The following WASF3 variants were observed in gnomAD, a reference collection of about 807,000 sequenced individuals.
The protein encoded by WASF3 is actin-binding protein WASF3.
Under a neutral mutation model 46.6 loss-of-function variants are expected in WASF3, and 11 were observed. The ratio of observed to expected loss-of-function variants is 0.24; its 90% confidence interval spans 0.15 to 0.39. The LOEUF (loss-of-function observed/expected upper bound fraction) is 0.39, where lower values mean the gene tolerates loss of function less well. WASF3 is among the 10% of genes least tolerant of loss of function. The probability of loss-of-function intolerance (pLI) is 1.00; values close to 1 mark genes in which losing one functional copy is unlikely to be tolerated. For missense variants in WASF3, 576 were observed against 669.8 expected, an observed-to-expected ratio of 0.86 and a Z score of 1.55; for synonymous variants, 242 against 259.7, an observed-to-expected ratio of 0.93 and a Z score of 0.65.
At chr13:26,665,970 G>C (rs575137273) in intron 4 of WASF3, among the ~76,000 whole-genome samples, 79 of 152,154 alleles carry the variant, frequency 5.2e-4, no homozygotes, top group African/African-American at 1.3e-3. Context: ...CCTAGTGTCT[G>C]ATTTTTGTGC....
chr13:26,554,111 C>CTTTCTTTCTTTCTT (rs1430081863), upstream of WASF3, among the ~76,000 whole-genome samples: 1 of 122,528 alleles, frequency 8.2e-6, no homozygotes, highest in Non-Finnish European at 1.6e-5. Context: ...TTCTTTCTTT[C>CTTTCTTTCTTTCTT]TTTCTTTCTT....
At chr13:26,550,655 T>C in the WASF3 span, among the ~76,000 whole-genome samples, 4 of 152,206 alleles carry the variant, frequency 2.6e-5, no homozygotes, top group East Asian at 1.9e-4. Context: ...CCAAGGTAAG[T>C]GGACAATAAG....
At chr13:26,620,969 A>G (rs937691368) in intron 2 of WASF3, among the ~76,000 whole-genome samples, 1 of 152,176 alleles carries the variant, frequency 6.6e-6, no homozygotes, top group Non-Finnish European at 1.5e-5. Flanking sequence ...GTATAGCAAA[A>G]GCTAAGTGAC....
Position 26,688,448 on chromosome 13 carries a change from T to C in WASF3, c.*2603T>C, listed in dbSNP as rs1484450427. ...AAGCTTTTCTCTCATAGCGTAGACCTAGGGAAGGGATGGGAAGATTGCCCA... is the reference window on the plus strand; with the variant it reads ...AAGCTTTTCTCTCATAGCGTAGACCCAGGGAAGGGATGGGAAGATTGCCCA... On this transcript the variant is annotated 3_prime_UTR_variant, in exon 10 of 10. Transcript: ENST00000335327. The C allele has an allele frequency of 2.0e-5, 3 of 152,232 alleles. No homozygotes were observed. The highest frequency in any genetic ancestry group is 2.9e-5 in the Non-Finnish European group (2 of 68,030). The allele number at this position is 152,232 out of a possible 1,614,324, so 9.4% of individuals were successfully genotyped here.
At chr13:26,568,602 A>G (rs1236314932) in intron 1 of WASF3, among the ~76,000 whole-genome samples, 1 of 152,138 alleles carries the variant, frequency 6.6e-6, no homozygotes, top group Non-Finnish European at 1.5e-5. Flanking sequence ...TCATCCAGAG[A>G]TGAGTGGTTT....
intron 2 of WASF3, among the ~76,000 whole-genome samples, chr13:26,617,853 TG>T (rs1417015186): frequency 1.3e-5 from 2 of 152,034 alleles, no homozygotes; most frequent in African/African-American, 4.8e-5. Flanking sequence ...ATGATGTTCT[TG>T]TGATAGTGAA....
intron 9 of WASF3, among the ~76,000 whole-genome samples, chr13:26,684,231 G>T (rs1331783903): frequency 6.6e-6 from 1 of 151,406 alleles, no homozygotes; most frequent in Non-Finnish European, 1.5e-5. Context: ...ATTAGCTCAT[G>T]AATATCAAGT....
chr13:26,560,231 C>A (rs749663534), intron 1 of WASF3, among the ~76,000 whole-genome samples: 1 of 152,152 alleles, frequency 6.6e-6, no homozygotes, highest in Non-Finnish European at 1.5e-5. Context: ...GACAGCCCCA[C>A]ACATTCTTCT....
At chr13:26,552,730 T>C (rs1878998875), upstream of WASF3, among the ~76,000 whole-genome samples, 1 of 152,246 alleles carries the variant, frequency 6.6e-6, no homozygotes, top group African/African-American at 2.4e-5. Flanking sequence ...AACCACTCTT[T>C]GTTCTTTCTC....
chr13:26,662,047 G>A (rs1404953866), intron 3 of WASF3, among the ~76,000 whole-genome samples: 1 of 152,200 alleles, frequency 6.6e-6, no homozygotes, highest in Non-Finnish European at 1.5e-5. Flanking sequence ...AAGTGGGAGA[G>A]TGTGGGGCTG....
intron 3 of WASF3, among the ~76,000 whole-genome samples, chr13:26,650,010 A>G (rs1451642960): frequency 1.3e-5 from 2 of 152,192 alleles, no homozygotes; most frequent in Non-Finnish European, 2.9e-5. Context: ...CGGAGGTTGC[A>G]GTGAGCAGAG....
chr13:26,564,907 T>C (rs1239291220), intron 1 of WASF3, among the ~76,000 whole-genome samples: 1 of 145,422 alleles, frequency 6.9e-6, no homozygotes, highest in African/African-American at 2.7e-5. Context: ...GTGGTTTTTT[T>C]TTTTTTTTTT....
chr13:26,632,933 C>A (rs188779973), intron 2 of WASF3, among the ~76,000 whole-genome samples: 513 of 152,276 alleles, frequency 3.4e-3, no homozygotes, highest in Non-Finnish European at 6.1e-3. Flanking sequence ...TTATCCATTT[C>A]TTCTAGATTT....
chr13:26,610,883 G>C (rs1880954477), intron 1 of WASF3, among the ~76,000 whole-genome samples: 1 of 152,166 alleles, frequency 6.6e-6, no homozygotes, highest in Non-Finnish European at 1.5e-5. Context: ...GTCAAATGAG[G>C]CTACGTATTC....
rs772111610 is a variant in WASF3, at chr13:26,682,653, C to T, written c.1030C>T (p.Pro344Ser). Reference sequence around the variant, plus strand: ...TGAGTATTACAACCCATCCGGACCACCTCCTCCGCCACCTCCTCCTGTGAT... The same window carrying T: ...TGAGTATTACAACCCATCCGGACCATCTCCTCCGCCACCTCCTCCTGTGAT... ...IIEYYNPSGP[P>S]PPPPPPVIPS... Residue 344 changes from proline to serine, a missense_variant, in exon 9 of 10, where the codon CCT becomes TCT. Pro to Ser is a moderately conservative substitution (Grantham distance 74). Transcript: ENST00000335327. The surrounding 1 kb of genome is among the most constrained non-coding windows in gnomAD (Gnocchi z 4.4). The T allele has an allele frequency of 6.2e-7, 1 of 1,614,150 alleles. No individual in the cohort carries two copies. The highest frequency in any genetic ancestry group is 2.2e-5 in the East Asian group (1 of 44,876).
intron 3 of WASF3, among the ~76,000 whole-genome samples, chr13:26,644,885 G>A (rs1178296102): frequency 6.6e-6 from 1 of 152,176 alleles, no homozygotes; most frequent in African/African-American, 2.4e-5. Flanking sequence ...GGAGGCAGCA[G>A]CTGCTTCTTG....
intron 6 of WASF3, among the ~76,000 whole-genome samples, chr13:26,672,912 G>A (rs533887892): frequency 6.6e-6 from 1 of 152,290 alleles, no homozygotes; most frequent in South Asian, 2.1e-4. Flanking sequence ...AAGACACCAT[G>A]GCTGGTTCCG....
chr13:26,605,585 T>C (rs1483183887), intron 1 of WASF3, among the ~76,000 whole-genome samples: 6 of 152,140 alleles, frequency 3.9e-5, no homozygotes, highest in Non-Finnish European at 4.4e-5. Flanking sequence ...TGCCAAGTGC[T>C]GGAATTAAAA....
chr13:26,661,989 C>G (rs563920501), intron 3 of WASF3, among the ~76,000 whole-genome samples: 1 of 152,278 alleles, frequency 6.6e-6, no homozygotes, highest in South Asian at 2.1e-4. Flanking sequence ...GTGCCCATGC[C>G]TGAGGCAGAG....
Sources: gnomAD v4.1 joint callset for allele counts (sites outside exome capture counted in the v4.1 genomes callset) on GRCh38, gnomAD v4.1.1 for gene constraint, Gnocchi (gnomAD v3.1) non-coding constraint, MANE v1.5 for transcripts, NCBI Gene and HGNC (gene_info 2026-07-23, HGNC 2026-07-21) for gene names.